The following CNTNAP5 variants were observed in gnomAD, a reference collection of about 807,000 sequenced individuals.
CNTNAP5 encodes contactin-associated protein-like 5.
A neutral mutation model predicts 150.2 loss-of-function variants in CNTNAP5; 72 were observed. That is an observed-to-expected ratio of 0.48 (90% CI 0.40 to 0.58). The LOEUF is 0.58. CNTNAP5 is among the 20% of genes least tolerant of loss of function. The pLI is 0.00. For synonymous variants in CNTNAP5, 672 were observed against 619.8 expected, an observed-to-expected ratio of 1.08 and a Z score of -1.25; for missense variants, 1,636 against 1,626.2, an observed-to-expected ratio of 1.01 and a Z score of -0.10.
intron 3 of CNTNAP5, among the ~76,000 whole-genome samples, chr2:124,255,349 T>C (rs62170849): frequency 0.37 from 56,751 of 151,518 alleles, 11,635 homozygotes; most frequent in African/African-American, 0.53. Context: ...ATGGTGAAAC[T>C]CCATCTTTAC....
rs959381939 is a variant in CNTNAP5 at position 124,221,611 on chromosome 2, A to C, written c.83-94A>C. 7.2e-6 allele frequency: 6 copies of C among 827,984 alleles called. 1 individual carries two copies. The African/African-American group carries it at 1.0e-4, about 14-fold the overall frequency. The allele number at this position is 827,984 out of a possible 1,614,324, so 51.3% of individuals were successfully genotyped here. A position where few individuals can be genotyped will look rare whatever the true frequency, so the allele number is the denominator to read the frequency against. On this transcript the variant is annotated intron_variant, in intron 1 of 23. Transcript: ENST00000682447. ...CCTTGTTCAGAGCAGGTGGTTAATA[A>C]ATGATGGTAGTTAATTTCTCAACTT... is the stretch of plus-strand genomic sequence containing the variant.
At chr2:124,672,365 G>A (rs769789800) in intron 13 of CNTNAP5, among the ~76,000 whole-genome samples, 30 of 152,156 alleles carry the variant, frequency 2.0e-4, no homozygotes, top group Non-Finnish European at 3.8e-4. Flanking sequence ...GGAAGACACA[G>A]GTTAGCTCAT....
At chr2:124,497,591 G>A (rs1694180493) in intron 7 of CNTNAP5, among the ~76,000 whole-genome samples, 2 of 152,178 alleles carry the variant, frequency 1.3e-5, no homozygotes, top group Admixed American at 1.3e-4. Flanking sequence ...CAGGAAATGA[G>A]TACAAATGAA....
In CNTNAP5 at chr2:124,915,696, C is replaced by G. The variant is rs190096440; in HGVS notation, c.*1408C>G. On this transcript the variant is annotated 3_prime_UTR_variant, in exon 24 of 24. Transcript: ENST00000682447. ...TGGTGACAAATTTCAGGGTCTTTGT[C>G]CCTTTTGGTAACAAAGCATTGAAAA... 6.6e-6 allele frequency among the ~76,000 whole-genome samples: 1 copy of G among 152,086 alleles called. No homozygotes were observed. The highest frequency in any genetic ancestry group is 2.4e-5 in the African/African-American group (1 of 41,522).
intron 3 of CNTNAP5, among the ~76,000 whole-genome samples, chr2:124,371,339 A>G (rs1054139752): frequency 6.6e-6 from 1 of 152,152 alleles, no homozygotes; most frequent in African/African-American, 2.4e-5. Context: ...TTCTTAGTCT[A>G]CCAAAGTATG....
intron 1 of CNTNAP5, among the ~76,000 whole-genome samples, chr2:124,125,309 A>T (rs923204657): frequency 6.6e-6 from 1 of 152,212 alleles, no homozygotes; most frequent in Non-Finnish European, 1.5e-5. Context: ...ATCAAAAGAG[A>T]CAAAGAAGGC....
chr2:124,510,279 C>CTA (rs1238288039), intron 8 of CNTNAP5, among the ~76,000 whole-genome samples: 31 of 70,988 alleles, frequency 4.4e-4, no homozygotes, highest in African/African-American at 1.2e-3. Context: ...ATATCTATAT[C>CTA]TATATCTATA....
intron 1 of CNTNAP5, among the ~76,000 whole-genome samples, chr2:124,123,129 G>A (rs1252334617): frequency 2.0e-5 from 3 of 152,046 alleles, no homozygotes; most frequent in Non-Finnish European, 4.4e-5. Context: ...AGTGCAAGGG[G>A]TCGGGGAATT....
chr2:124,469,086 A>G (rs1409822008), intron 6 of CNTNAP5, among the ~76,000 whole-genome samples: 2 of 152,210 alleles, frequency 1.3e-5, no homozygotes, highest in African/African-American at 2.4e-5. Context: ...TCAATCCCTC[A>G]GGGAGAACCA....
intron 18 of CNTNAP5, among the ~76,000 whole-genome samples, chr2:124,796,997 T>G (rs191124968): frequency 3.9e-5 from 6 of 152,334 alleles, no homozygotes; most frequent in Admixed American, 1.3e-4. Context: ...ATATATTGTA[T>G]AAAGTCTATT....
chr2:124,171,411 G>C (rs1298976777), intron 1 of CNTNAP5, among the ~76,000 whole-genome samples: 1 of 152,122 alleles, frequency 6.6e-6, no homozygotes, highest in Admixed American at 6.5e-5. Context: ...CCCTCAGCAC[G>C]TTGCTAATTT....
intron 10 of CNTNAP5, among the ~76,000 whole-genome samples, chr2:124,540,961 G>A (rs1326912245): frequency 6.6e-6 from 1 of 152,114 alleles, no homozygotes; most frequent in Non-Finnish European, 1.5e-5. Context: ...CAGTGTGCCA[G>A]GAAAGGGGAT....
intron 1 of CNTNAP5, among the ~76,000 whole-genome samples, chr2:124,203,392 G>A (rs1177785251): frequency 1.3e-5 from 2 of 152,116 alleles, no homozygotes; most frequent in East Asian, 1.9e-4. Flanking sequence ...TGGGCTCATG[G>A]TGCAAGCTGT....
chr2:124,710,533 A>G (rs958804905), intron 13 of CNTNAP5, among the ~76,000 whole-genome samples: 4 of 152,158 alleles, frequency 2.6e-5, no homozygotes, highest in Non-Finnish European at 4.4e-5. Flanking sequence ...CGGTGAACCC[A>G]TCAGTCAATC....
intron 3 of CNTNAP5, among the ~76,000 whole-genome samples, chr2:124,312,430 C>A (rs1040833006): frequency 4.6e-5 from 7 of 151,736 alleles, no homozygotes; most frequent in Non-Finnish European, 1.0e-4. Context: ...CTCACTGCAA[C>A]CTCCGCACCA....
At chr2:124,199,945 A>G (rs1006488400) in intron 1 of CNTNAP5, among the ~76,000 whole-genome samples, 1 of 152,150 alleles carries the variant, frequency 6.6e-6, no homozygotes, top group Non-Finnish European at 1.5e-5. Flanking sequence ...CTGCTTTCCA[A>G]TCAACAGAAA....
chr2:124,052,940 G>A (rs1463639717), intron 1 of CNTNAP5, among the ~76,000 whole-genome samples: 2 of 152,106 alleles, frequency 1.3e-5, no homozygotes, highest in African/African-American at 4.8e-5. Context: ...TTGCCTGGCT[G>A]ACTTCTATTT....
intron 13 of CNTNAP5, among the ~76,000 whole-genome samples, chr2:124,714,038 T>C (rs1465951316): frequency 1.3e-5 from 2 of 152,190 alleles, no homozygotes; most frequent in Non-Finnish European, 2.9e-5. Context: ...TTAGGCTCTT[T>C]TTTTCCCCCC....
Position 124,914,410 on chromosome 2 carries a change from C to A in CNTNAP5, c.*122C>A. 1.4e-6 allele frequency: 1 copy of A among 733,662 alleles called. No individual in the cohort carries two copies. Among genetic ancestry groups the A allele is most frequent in the Non-Finnish European group, 2.3e-6 (1 of 441,816 alleles). The allele number at this position is 733,662 out of a possible 1,614,324, so 45.4% of individuals were successfully genotyped here. A position where few individuals can be genotyped will look rare whatever the true frequency, so the allele number is the denominator to read the frequency against. On this transcript the variant is annotated 3_prime_UTR_variant, in exon 24 of 24. Transcript: ENST00000682447. ...TCTGCTTGCCATGTCTTTTCTGGAA[C>A]ATACTTGCATCCACCACAGCATCAA...
Sources: gnomAD v4.1 joint callset for allele counts (sites outside exome capture counted in the v4.1 genomes callset) on GRCh38, gnomAD v4.1.1 for gene constraint, MANE v1.5 for transcripts, NCBI Gene and HGNC (gene_info 2026-07-23, HGNC 2026-07-21) for gene names.